Variants in FHIT observed in about 807,000 individuals in gnomAD.
FHIT encodes the protein fragile histidine triad diadenosine triphosphatase, also known as bis(5'-adenosyl)-triphosphatase.
FHIT carries 19 observed loss-of-function variants against 17.9 expected under a neutral mutation model. The ratio of observed to expected loss-of-function variants is 1.06; its 90% CI spans 0.74 to 1.56. The LOEUF is 1.56. Ranked by LOEUF, FHIT falls within the 40% of genes most tolerant of loss-of-function variation. The pLI, the probability that FHIT is intolerant of heterozygous loss-of-function variation, is 0.00. For synonymous variants in FHIT, 81 were observed against 69.7 expected, an observed-to-expected ratio of 1.16 and a Z score of -0.81; for missense variants, 248 against 189.2, an observed-to-expected ratio of 1.31 and a Z score of -1.82.
At chr3:60,781,931 C>A (rs895689051) in intron 4 of FHIT, among the ~76,000 whole-genome samples, 2 of 152,090 alleles carry the variant, frequency 1.3e-5, no homozygotes, top group Admixed American at 1.3e-4. Flanking sequence ...TTAAATCAAG[C>A]TAATTAACAT....
chr3:61,050,409 T>C (rs1233408867), intron 2 of FHIT, among the ~76,000 whole-genome samples: 1 of 152,166 alleles, frequency 6.6e-6, no homozygotes, highest in Non-Finnish European at 1.5e-5. Flanking sequence ...GAATCTCTTT[T>C]AGATTCTGAC....
chr3:60,114,441 AC>A (rs1255370687), intron 5 of FHIT, among the ~76,000 whole-genome samples: 1 of 148,536 alleles, frequency 6.7e-6, no homozygotes, highest in Non-Finnish European at 1.5e-5. Flanking sequence ...AATTGTACAC[AC>A]TAATACACAG....
chr3:60,842,042 C>T (rs957661016), intron 3 of FHIT, among the ~76,000 whole-genome samples: 6 of 151,940 alleles, frequency 3.9e-5, no homozygotes, highest in Admixed American at 1.3e-4. Context: ...GCTCCAAGGA[C>T]GCTCCGAGGG....
At chr3:61,231,467 C>A (rs2040099282) in intron 1 of FHIT, among the ~76,000 whole-genome samples, 2 of 148,086 alleles carry the variant, frequency 1.4e-5, no homozygotes, top group South Asian at 4.3e-4. Context: ...CCAGCCTGGG[C>A]AAAAGAGTGA....
intron 2 of FHIT, 140 bp from the exon 3 acceptor site, chr3:61,042,239 A>T (rs191216081): frequency 1.3e-5 from 2 of 152,340 alleles, no homozygotes; most frequent in East Asian, 3.9e-4. Flanking sequence ...TACATTTTGG[A>T]GTCTATAATG....
intron 8 of FHIT, among the ~76,000 whole-genome samples, chr3:59,870,638 T>C (rs1702875255): frequency 6.6e-6 from 1 of 152,140 alleles, no homozygotes; most frequent in African/African-American, 2.4e-5. Flanking sequence ...AAGGTGCAAA[T>C]AACTAATCTC....
At chr3:59,974,385 T>G (rs1218824489) in intron 7 of FHIT, among the ~76,000 whole-genome samples, 1 of 152,216 alleles carries the variant, frequency 6.6e-6, no homozygotes, top group Admixed American at 6.5e-5. Context: ...GTTGGTTAGA[T>G]GCTTCATTTC....
intron 8 of FHIT, among the ~76,000 whole-genome samples, chr3:59,846,960 C>A (rs1701743865): frequency 6.6e-6 from 1 of 152,072 alleles, no homozygotes; most frequent in African/African-American, 2.4e-5. Context: ...TAGTGAGGAT[C>A]CCTAGTGCAT....
At chr3:61,038,263 T>G (rs2033349990) in intron 3 of FHIT, among the ~76,000 whole-genome samples, 1 of 152,222 alleles carries the variant, frequency 6.6e-6, no homozygotes, top group South Asian at 2.1e-4. Context: ...CAAAGCATTC[T>G]TGCCAAAAAC....
At chr3:60,942,548 A>G (rs1474072507) in intron 3 of FHIT, among the ~76,000 whole-genome samples, 1 of 151,870 alleles carries the variant, frequency 6.6e-6, no homozygotes, top group African/African-American at 2.4e-5. Context: ...CATTTCTAAT[A>G]CTGTTTGTAT....
intron 1 of FHIT, among the ~76,000 whole-genome samples, chr3:61,237,153 G>A (rs1400051855): frequency 6.6e-6 from 1 of 152,056 alleles, no homozygotes. Context: ...AAACCAACTC[G>A]TACAGAAAGT....
intron 3 of FHIT, among the ~76,000 whole-genome samples, chr3:60,847,453 A>C (rs562739475): frequency 6.6e-6 from 1 of 152,110 alleles, no homozygotes. Context: ...AGAAGATTGG[A>C]CCCCTGACTG....
At chr3:60,218,884 T>C (rs188261938) in intron 5 of FHIT, among the ~76,000 whole-genome samples, 5 of 149,188 alleles carry the variant, frequency 3.4e-5, no homozygotes, top group Non-Finnish European at 7.4e-5. Context: ...TACATACATA[T>C]ATACATACAT....
intron 3 of FHIT, among the ~76,000 whole-genome samples, chr3:60,966,404 C>T (rs1034207463): frequency 9.2e-5 from 14 of 152,242 alleles, no homozygotes; most frequent in African/African-American, 1.9e-4. Context: ...GGCGATGTCC[C>T]GCCCTGCTTT....
At chr3:60,968,034 C>G (rs1296257061) in intron 3 of FHIT, among the ~76,000 whole-genome samples, 1 of 152,212 alleles carries the variant, frequency 6.6e-6, no homozygotes, top group African/African-American at 2.4e-5. Flanking sequence ...TGGTGAACAT[C>G]GTATTGGTAA....
intron 5 of FHIT, among the ~76,000 whole-genome samples, chr3:60,453,308 G>T (rs1404675259): frequency 6.6e-6 from 1 of 151,866 alleles, no homozygotes; most frequent in South Asian, 2.1e-4. Context: ...CAGAAGGATG[G>T]TCCTTACTTT....
chr3:60,369,403 CT>C (rs1700234280), intron 5 of FHIT, among the ~76,000 whole-genome samples: 1 of 152,152 alleles, frequency 6.6e-6, no homozygotes, highest in Admixed American at 6.5e-5. Context: ...GCTATGGTAA[CT>C]CTAATATCTT....
intron 8 of FHIT, among the ~76,000 whole-genome samples, chr3:59,905,268 T>C (rs1295453346): frequency 2.0e-5 from 3 of 152,068 alleles, no homozygotes; most frequent in African/African-American, 7.2e-5. Context: ...AAAGAATTGA[T>C]AGAACTAGAG....
chr3:60,145,979 A>G (rs1226779597), intron 5 of FHIT, among the ~76,000 whole-genome samples: 1 of 152,200 alleles, frequency 6.6e-6, no homozygotes, highest in East Asian at 1.9e-4. Flanking sequence ...TTAACATGCA[A>G]CAGGGACATA....
Sources: allele counts gnomAD v4.1 joint callset (sites outside exome capture counted in the v4.1 genomes callset), GRCh38; gene constraint gnomAD v4.1.1; transcripts MANE v1.5; gene names NCBI Gene and HGNC (gene_info 2026-07-23, HGNC 2026-07-21).